Variants in LIPI observed in about 807,000 individuals in gnomAD.
The protein encoded by LIPI is lipase member I.
LIPI carries 59 observed loss-of-function variants against 50.6 expected under a neutral mutation model. The ratio of observed to expected loss-of-function variants is 1.16; its 90% CI spans 0.94 to 1.45. LIPI has a LOEUF of 1.45. Ranked by LOEUF, LIPI falls within the 40% of genes most tolerant of loss-of-function variation. LIPI has a pLI of 0.00. For missense variants in LIPI, 586 were observed against 536.3 expected (o/e 1.09, Z -0.92); for synonymous variants, 203 against 178.2 (o/e 1.14, Z -1.11).
At chr21:14,185,017 G>A (rs2123261350) in intron 3 of LIPI, among the ~76,000 whole-genome samples, 1 of 151,960 alleles carries the variant, frequency 6.6e-6, no homozygotes, top group African/African-American at 2.4e-5. Flanking sequence ...GTTATTATAA[G>A]TCTTCTATGG....
At chr21:14,143,237 A>T (rs1434490247) in intron 9 of LIPI, among the ~76,000 whole-genome samples, 1 of 152,122 alleles carries the variant, frequency 6.6e-6, no homozygotes, top group African/African-American at 2.4e-5. Flanking sequence ...TCAAGGCATG[A>T]TCCCTCCCCA....
At chr21:14,177,156 T>A (rs1231277195) in intron 4 of LIPI, among the ~76,000 whole-genome samples, 1 of 152,170 alleles carries the variant, frequency 6.6e-6, no homozygotes, top group Non-Finnish European at 1.5e-5. Context: ...ACATACAAAC[T>A]ACAATTGTTA....
intron 4 of LIPI, among the ~76,000 whole-genome samples, chr21:14,179,295 A>ATGTGCTG (rs1285776340): frequency 6.6e-6 from 1 of 152,010 alleles, no homozygotes; most frequent in East Asian, 1.9e-4. Context: ...TTCACCAGGT[A>ATGTGCTG]TGTGCTGAGT....
At chr21:14,178,598 C>T (rs190423919) in intron 4 of LIPI, among the ~76,000 whole-genome samples, 1 of 152,008 alleles carries the variant, frequency 6.6e-6, no homozygotes, top group South Asian at 2.1e-4. Flanking sequence ...ATTTTTCAGT[C>T]TTCTACCTTT....
chr21:14,209,830 T>C (rs191515382), intron 1 of LIPI, among the ~76,000 whole-genome samples: 18 of 152,132 alleles, frequency 1.2e-4, no homozygotes, highest in South Asian at 8.3e-4. Flanking sequence ...TTTCTCTGGC[T>C]TTCAACTGAA....
intron 3 of LIPI, among the ~76,000 whole-genome samples, chr21:14,184,733 G>A (rs1004268749): frequency 6.6e-6 from 1 of 152,148 alleles, no homozygotes; most frequent in African/African-American, 2.4e-5. Flanking sequence ...ACAATTTAAA[G>A]TACAAATTGA....
intron 9 of LIPI, among the ~76,000 whole-genome samples, chr21:14,138,554 T>A (rs1335230187): frequency 1.3e-5 from 2 of 152,060 alleles, no homozygotes; most frequent in African/African-American, 4.8e-5. Flanking sequence ...AATCAAGGTA[T>A]TTTTATAAGA....
intron 4 of LIPI, among the ~76,000 whole-genome samples, chr21:14,171,826 A>T (rs1043528558): frequency 2.0e-5 from 3 of 151,374 alleles, no homozygotes; most frequent in South Asian, 4.2e-4. Context: ...CATGTCTAAA[A>T]CACCAAAAGC....
At chr21:14,186,849 C>T (rs2403759) in intron 2 of LIPI, among the ~76,000 whole-genome samples, 39,106 of 152,038 alleles carry the variant, frequency 0.26, 5,318 homozygotes, top group Middle Eastern at 0.34. Flanking sequence ...TGGGCCCTCA[C>T]CAGACACTGA....
chr21:14,109,221 A>T, intron 9 of LIPI, 141 bp from the exon 10 acceptor site: 1 of 688,196 alleles, frequency 1.5e-6, no homozygotes, highest in Non-Finnish European at 2.6e-6. Context: ...GAACAAATAT[A>T]TGGGATCATT....
At chr21:14,157,304 G>A (rs1466402178) in intron 7 of LIPI, among the ~76,000 whole-genome samples, 1 of 151,870 alleles carries the variant, frequency 6.6e-6, no homozygotes, top group Non-Finnish European at 1.5e-5. Context: ...GGGTGTAGCT[G>A]GCACAACCTT....
intron 4 of LIPI, among the ~76,000 whole-genome samples, chr21:14,171,486 C>T (rs1195268119): frequency 6.6e-6 from 1 of 150,776 alleles, no homozygotes; most frequent in East Asian, 2.0e-4. Context: ...CTACAGTAAC[C>T]AAAACAGCAT....
chr21:14,151,889 G>T (rs2018104888), intron 8 of LIPI, among the ~76,000 whole-genome samples: 1 of 151,870 alleles, frequency 6.6e-6, no homozygotes, highest in Non-Finnish European at 1.5e-5. Context: ...GAGCCTTGTA[G>T]GTGGGAATAG....
chr21:14,206,558 C>T (rs574800713), intron 1 of LIPI, among the ~76,000 whole-genome samples: 174 of 148,178 alleles, frequency 1.2e-3, no homozygotes, highest in African/African-American at 4.1e-3. Flanking sequence ...AATCCTCACA[C>T]ATCTTAGAAA....
intron 4 of LIPI, among the ~76,000 whole-genome samples, chr21:14,170,948 T>C (rs962728370): frequency 6.6e-6 from 1 of 151,794 alleles, no homozygotes; most frequent in African/African-American, 2.4e-5. Flanking sequence ...GATGACATGA[T>C]TGTATATCTA....
chr21:14,182,227 C>T (rs1185997004), intron 3 of LIPI, among the ~76,000 whole-genome samples: 3 of 152,124 alleles, frequency 2.0e-5, no homozygotes, highest in African/African-American at 7.2e-5. Context: ...GAACTCTGTA[C>T]ATTACTAGCT....
intron 4 of LIPI, among the ~76,000 whole-genome samples, chr21:14,177,709 CAT>C (rs2019143676): frequency 6.6e-6 from 1 of 152,060 alleles, no homozygotes; most frequent in Non-Finnish European, 1.5e-5. Context: ...CACCCAAAAT[CAT>C]ATGCTATTTT....
At chr21:14,207,336 T>C (rs906459901) in intron 1 of LIPI, among the ~76,000 whole-genome samples, 3 of 152,178 alleles carry the variant, frequency 2.0e-5, no homozygotes, top group Admixed American at 6.5e-5. Context: ...ATGGTAACTG[T>C]TTGAGATATC....
intron 7 of LIPI, among the ~76,000 whole-genome samples, chr21:14,158,331 C>T (rs908132756): frequency 2.0e-5 from 3 of 151,404 alleles, no homozygotes; most frequent in Non-Finnish European, 3.0e-5. Flanking sequence ...AATTCAACAG[C>T]GTGCTTATAA....
Sources: allele counts gnomAD v4.1 joint callset (sites outside exome capture counted in the v4.1 genomes callset), GRCh38; gene constraint gnomAD v4.1.1; transcripts MANE v1.5; gene names NCBI Gene and HGNC (gene_info 2026-07-23, HGNC 2026-07-21).